PDLIM3: variants seen among roughly 807,000 people sequenced by gnomAD.
PDLIM3 encodes the protein PDZ and LIM domain protein 3.
Under a neutral mutation model 37.3 loss-of-function variants are expected in PDLIM3, and 36 were observed. The observed-to-expected ratio is 0.97, with a 90% confidence interval of 0.74 to 1.28. PDLIM3 has a LOEUF of 1.28. Ranked by LOEUF, PDLIM3 falls within the 50% of genes most tolerant of loss-of-function variation. The pLI, the probability that PDLIM3 is intolerant of heterozygous loss-of-function variation, is 0.00. For synonymous variants in PDLIM3, 174 were observed against 182.4 expected, an observed-to-expected ratio of 0.95 and a Z score of 0.37; for missense variants, 454 against 485.0, an observed-to-expected ratio of 0.94 and a Z score of 0.60.
At chr4:185,515,306 A>G (rs1336831811) in intron 3 of PDLIM3, 1 of 152,820 alleles carries the variant, frequency 6.5e-6, no homozygotes, top group African/African-American at 2.4e-5. Context: ...TTCTATTGAT[A>G]CATTGATAAA....
rs2095711793 is a variant in PDLIM3 at position 185,514,579 on chromosome 4, G to A, written c.331-242C>T. ...ATGTTTTAGATGCTTGTCTTTAAAA[G>A]AGAAATCTGATAGTGCCTTCAGGAA... On this transcript the variant is annotated intron_variant, in intron 3 of 7. Transcript: ENST00000284767. This position sits in a 1 kb window ranked among gnomAD's most constrained non-coding sequence, Gnocchi z 4.0. 2 of 1,257,228 alleles carry A rather than the reference G, an allele frequency of 1.6e-6. No homozygotes were observed. Among genetic ancestry groups the A allele is most frequent in the Non-Finnish European group, 2.2e-6 (2 of 915,222 alleles). 77.9% of individuals were successfully genotyped at this position (1,257,228 alleles called of 1,614,324 possible).
chr4:185,506,393 A>C lies in PDLIM3; in HGVS notation c.793+129T>G, dbSNP rs183768041. ...ATCCATATCCTATCCTTCTGAGCAA[A>C]AATTCATTTGGCTCCCAATGAAAAC... On this transcript the variant is annotated intron_variant, in intron 6 of 7. Transcript: ENST00000284767. The C allele has an allele frequency of 1.6e-3, 2,053 of 1,269,142 alleles. 6 individuals are homozygous for C. Among genetic ancestry groups the C allele is most frequent in the Non-Finnish European group, 2.2e-3 (1,934 of 881,360 alleles). 78.6% of individuals were successfully genotyped at this position (1,269,142 alleles called of 1,614,324 possible). A position where few individuals can be genotyped will look rare whatever the true frequency, so the allele number is the denominator to read the frequency against.
At chr4:185,523,583 G>A (rs1483658578) in intron 2 of PDLIM3, 137 bp from the exon 3 acceptor site, 3 of 547,376 alleles carry the variant, frequency 5.5e-6, no homozygotes, top group African/African-American at 4.1e-5. Flanking sequence ...TTTTTTTGCT[G>A]ATTATTCTGT....
Position 185,514,801 on chromosome 4 carries a change from G to A in PDLIM3, c.331-464C>T, listed in dbSNP as rs771856790. ...GCCCAATTGGCGAGTTATAGGAAGCGCTCACTACCTGTCTTTTGTCATCAA... is the reference window on the plus strand; with the variant it reads ...GCCCAATTGGCGAGTTATAGGAAGCACTCACTACCTGTCTTTTGTCATCAA... On this transcript the variant is annotated intron_variant, in intron 3 of 7. Transcript: ENST00000284767. This position sits in a 1 kb window ranked among gnomAD's most constrained non-coding sequence, Gnocchi z 4.0. 40 of 1,551,600 alleles carry A rather than the reference G, an allele frequency of 2.6e-5. No individual in the cohort carries two copies. The highest frequency in any genetic ancestry group is 3.2e-5 in the Non-Finnish European group (37 of 1,146,998).
In PDLIM3 at chr4:185,501,532, CTT is replaced by C. The variant is rs2095687063; in HGVS notation, c.*760_*761del. The C allele has an allele frequency of 6.6e-6, 1 of 152,146 alleles. No individual in the cohort carries two copies. Among genetic ancestry groups the C allele is most frequent in the Admixed American group, 6.5e-5 (1 of 15,268 alleles). The allele number at this position is 152,146 out of a possible 1,614,324, so 9.4% of individuals were successfully genotyped here. A position where few individuals can be genotyped will look rare whatever the true frequency, so the allele number is the denominator to read the frequency against. On this transcript the variant is annotated 3_prime_UTR_variant, in exon 8 of 8. Transcript: ENST00000284767. ...AGAGTCTCTGTTGAAGCAAGTGAAACTTTTAATTTGAAAGAGACTGAACTACC... is the reference window on the plus strand; with the variant it reads ...AGAGTCTCTGTTGAAGCAAGTGAAACTTAATTTGAAAGAGACTGAACTACC...
At chr4:185,524,912 A>G in intron 2 of PDLIM3, 108 bp downstream of exon 2, 2 of 1,085,480 alleles carry the variant, frequency 1.8e-6, no homozygotes, top group Non-Finnish European at 2.8e-6. Flanking sequence ...GTCAGCCAAA[A>G]TACTAGGTCT....
intron 6 of PDLIM3, among the ~76,000 whole-genome samples, chr4:185,506,206 C>G (rs927445506): frequency 2.0e-5 from 3 of 152,146 alleles, no homozygotes; most frequent in Non-Finnish European, 4.4e-5. Flanking sequence ...GGGGGGGAGG[C>G]TGAGAAGTTT....
chr4:185,504,642 C>G lies in PDLIM3; in HGVS notation c.794-56G>C, dbSNP rs1052357311. 9.4e-6 allele frequency: 13 copies of G among 1,385,044 alleles called. No homozygotes were observed. Among genetic ancestry groups the G allele is most frequent in the Non-Finnish European group, 1.3e-5 (13 of 984,710 alleles). The allele number at this position is 1,385,044 out of a possible 1,614,324, so 85.8% of individuals were successfully genotyped here. On this transcript the variant is annotated intron_variant, in intron 6 of 7. Transcript: ENST00000284767. This position sits in a 1 kb window ranked among gnomAD's most constrained non-coding sequence, Gnocchi z 4.7. ...AGGGAACAGCTGGCCGCAGCCTGTG[C>G]TTGGCTTCTATTTTAAAGTGTGCAC... is the stretch of plus-strand genomic sequence containing the variant.
At position 185,500,685 on chromosome 4, in the gene PDLIM3, TA is replaced by T. The variant is rs2095686027; in HGVS notation, c.*1608del. ...TTTCTTTGATCTCAAAAGTCTGTTT[TA>T]TTTTTTTAATAGCTTTGTTAGTGAA... On this transcript the variant is annotated 3_prime_UTR_variant, in exon 8 of 8. Coordinates refer to ENST00000284767, the MANE Select transcript of PDLIM3 (RefSeq NM_014476.6). 6.6e-6 allele frequency: 1 copy of T among 152,222 alleles called. No homozygotes were observed. The highest frequency in any genetic ancestry group is 6.5e-5 in the Admixed American group (1 of 15,276). 9.4% of individuals were successfully genotyped at this position (152,222 alleles called of 1,614,324 possible). A position where few individuals can be genotyped will look rare whatever the true frequency, so the allele number is the denominator to read the frequency against.
rs1441628170 is a variant in PDLIM3 at position 185,535,408 on chromosome 4, G to A, written c.27C>T (p.Gly9=). The change falls in exon 1 of 8, where the codon GGC becomes GGT. Residue 9 remains glycine (G), a synonymous_variant. Transcript: ENST00000284767. MPQTVILP[G]PAPWGFRLSG... is the part of the protein sequence containing the mutation. ...AGAGCCTGAAGCCCCAGGGCGCAGG[G>A]CCCGGGAGGATCACCGTCTGGGGCA... 1.2e-6 allele frequency: 2 copies of A among 1,604,506 alleles called. No individual in the cohort carries two copies. Among genetic ancestry groups the A allele is most frequent in the South Asian group, 2.2e-5 (2 of 89,280 alleles).
intron 1 of PDLIM3, among the ~76,000 whole-genome samples, chr4:185,525,520 T>C (rs370125428): frequency 1.8e-4 from 28 of 152,242 alleles, no homozygotes; most frequent in African/African-American, 6.5e-4. Flanking sequence ...AGTTTTACTA[T>C]ATTTAGGCAT....
chr4:185,508,240 A>T (rs528966321), intron 5 of PDLIM3, 59 bp downstream of exon 5: 1 of 1,522,074 alleles, frequency 6.6e-7, no homozygotes, highest in East Asian at 2.2e-5. Flanking sequence ...ACACCAGTAA[A>T]GCTGACATTG....
intron 1 of PDLIM3, among the ~76,000 whole-genome samples, chr4:185,534,814 G>A (rs1020254327): frequency 6.6e-6 from 1 of 152,194 alleles, no homozygotes; most frequent in Admixed American, 6.5e-5. Flanking sequence ...GATAGGAGCG[G>A]CTCCAGTTTG....
chr4:185,531,068 G>T (rs575607727), intron 1 of PDLIM3, among the ~76,000 whole-genome samples: 1 of 152,084 alleles, frequency 6.6e-6, no homozygotes, highest in South Asian at 2.1e-4. Flanking sequence ...ACCATTGGGG[G>T]TCTTGGAATG....
intron 1 of PDLIM3, 52 bp from the exon 2 acceptor site, chr4:185,525,223 G>A (rs1213753078): frequency 1.9e-6 from 3 of 1,570,018 alleles, no homozygotes; most frequent in African/African-American, 2.7e-5. Context: ...AGTATCTTGA[G>A]TTTTGTGCCT....
chr4:185,502,252 C>A lies in PDLIM3; in HGVS notation c.*42G>T. The A allele has an allele frequency of 6.3e-7, 1 of 1,587,216 alleles. No individual in the cohort carries two copies. The highest frequency in any genetic ancestry group is 8.7e-7 in the Non-Finnish European group (1 of 1,155,990). ...CCATGAATGTCTTCTCGTGTAAGTG[C>A]GCGTGGGTGGGTGCGTGCGTGCGTG... On this transcript the variant is annotated 3_prime_UTR_variant, in exon 8 of 8. Coordinates refer to ENST00000284767, the MANE Select transcript of PDLIM3 (RefSeq NM_014476.6).
At chr4:185,524,676 A>T (rs2095729663) in intron 2 of PDLIM3, among the ~76,000 whole-genome samples, 1 of 152,186 alleles carries the variant, frequency 6.6e-6, no homozygotes, top group African/African-American at 2.4e-5. Flanking sequence ...ATTCCATTCC[A>T]TTCTCTACCA....
chr4:185,525,326 G>A (rs920935712), intron 1 of PDLIM3, among the ~76,000 whole-genome samples, 155 bp from the exon 2 acceptor site: 1 of 152,176 alleles, frequency 6.6e-6, no homozygotes, highest in African/African-American at 2.4e-5. Context: ...TTGGTCAGTT[G>A]AGTTAGGTCT....
intron 1 of PDLIM3, among the ~76,000 whole-genome samples, chr4:185,530,743 C>T (rs764133116): frequency 3.3e-5 from 5 of 152,142 alleles, no homozygotes; most frequent in Non-Finnish European, 7.4e-5. Context: ...CTTACTCTGT[C>T]CCACCTGGGT....
Sources: gnomAD v4.1 joint callset for allele counts (sites outside exome capture counted in the v4.1 genomes callset) on GRCh38, gnomAD v4.1.1 for gene constraint, Gnocchi (gnomAD v3.1) non-coding constraint, MANE v1.5 for transcripts, NCBI Gene and HGNC (gene_info 2026-07-23, HGNC 2026-07-21) for gene names.